Variants in ZFYVE26 observed in about 807,000 individuals in gnomAD.
The protein encoded by ZFYVE26 is zinc finger FYVE domain-containing protein 26.
ZFYVE26 carries 181 observed loss-of-function variants against 276.5 expected under a neutral mutation model. The ratio of observed to expected loss-of-function variants is 0.65; its 90% CI spans 0.58 to 0.74. The LOEUF is 0.74. Ranked by LOEUF, ZFYVE26 falls within the 30% of genes least tolerant of loss-of-function variation. The probability of loss-of-function intolerance (pLI) is 0.00; values close to 1 mark genes in which losing one functional copy is unlikely to be tolerated. For synonymous variants in ZFYVE26, 1,129 were observed against 1,203.1 expected (o/e 0.94, Z 1.27); for missense variants, 2,821 against 3,097.9 (o/e 0.91, Z 2.12).
At chr14:67,803,209 A>G (rs1483507408) in intron 9 of ZFYVE26, among the ~76,000 whole-genome samples, 1 of 152,194 alleles carries the variant, frequency 6.6e-6, no homozygotes, top group Non-Finnish European at 1.5e-5. Context: ...CAAATGAACA[A>G]AAAACCATGG....
intron 13 of ZFYVE26, chr14:67,733,628 T>C (rs2038313827): frequency 5.8e-6 from 4 of 694,200 alleles, no homozygotes; most frequent in Non-Finnish European, 1.0e-5. Flanking sequence ...ATTAGTTTCT[T>C]TGAGTCTGGC....
At chr14:67,799,982 C>A (rs1333225437) in intron 10 of ZFYVE26, among the ~76,000 whole-genome samples, 1 of 152,188 alleles carries the variant, frequency 6.6e-6, no homozygotes, top group Non-Finnish European at 1.5e-5. Context: ...GCTCTCTACC[C>A]AGCTAGAATA....
intron 16 of ZFYVE26, 86 bp downstream of exon 16, chr14:67,789,249 T>A (rs1423780114): frequency 6.3e-7 from 1 of 1,589,124 alleles, no homozygotes; most frequent in Non-Finnish European, 8.6e-7. Flanking sequence ...CTCCAATAAC[T>A]GCTTTCTTCC....
chr14:67,754,064 C>A lies in ZFYVE26; in HGVS notation c.7128+7G>T, dbSNP rs2038714864. On this transcript the variant is annotated splice_region_variant and intron_variant, in intron 38 of 41. Transcript: ENST00000347230. ...AGTCTGCCAGAGGTCTGAAACGCTG[C>A]ATGTACCTTGCAGGCAACATCCATT... 1.2e-6 allele frequency: 2 copies of A among 1,614,240 alleles called. No individual in the cohort carries two copies. The highest frequency in any genetic ancestry group is 1.3e-5 in the African/African-American group (1 of 75,070).
Position 67,807,669 on chromosome 14 carries a change from C to G in ZFYVE26, c.615G>C (p.Gln205His), listed in dbSNP as rs1224965727. Reference protein sequence around the residue: ...DLIRKALRALQGPDSVPPGVV... With the variant: ...DLIRKALRALHGPDSVPPGVV... ...CCCCAGGGGGCACCGAATCAGGGCC[C>G]TGCAAAGCCCGCAATGCCTTTCGAA... Residue 205 changes from glutamine (Q) to histidine (H), a missense_variant, in exon 5 of 42, where the codon CAG (glutamine) becomes CAC (histidine). Transcript: ENST00000347230. 1.2e-6 allele frequency: 2 copies of G among 1,614,070 alleles called. No individual in the cohort carries two copies. The highest frequency in any genetic ancestry group is 1.3e-5 in the African/African-American group (1 of 74,946).
intron 31 of ZFYVE26, among the ~76,000 whole-genome samples, chr14:67,767,248 T>A (rs906190319): frequency 2.0e-5 from 3 of 152,206 alleles, no homozygotes; most frequent in Non-Finnish European, 2.9e-5. Context: ...TAAGGCCCTA[T>A]ATATAAATAA....
chr14:67,735,149 G>GTT, intron 13 of ZFYVE26: 2 of 890,262 alleles, frequency 2.2e-6, no homozygotes, highest in South Asian at 2.6e-5. Context: ...TCGACATGTT[G>GTT]TTGGCATTTT....
intron 28 of ZFYVE26, among the ~76,000 whole-genome samples, chr14:67,770,716 G>A (rs894208715): frequency 6.6e-6 from 1 of 152,120 alleles, no homozygotes; most frequent in Non-Finnish European, 1.5e-5. Flanking sequence ...AACATATACA[G>A]TAGGCAGTCA....
intron 13 of ZFYVE26, among the ~76,000 whole-genome samples, chr14:67,735,979 C>T (rs1012231414): frequency 1.3e-5 from 2 of 152,180 alleles, no homozygotes; most frequent in South Asian, 2.1e-4. Flanking sequence ...TGTTGCCATG[C>T]GTCCCAAGCT....
chr14:67,782,676 G>A, intron 21 of ZFYVE26, 104 bp downstream of exon 21: 1 of 1,546,528 alleles, frequency 6.5e-7, no homozygotes, highest in Non-Finnish European at 8.8e-7. Context: ...AGATTATAGT[G>A]GGGCTTCTCT....
At chr14:67,805,364 T>C (rs2040158417) in intron 7 of ZFYVE26, 59 bp from the exon 8 acceptor site, 1 of 1,613,654 alleles carries the variant, frequency 6.2e-7, no homozygotes, top group Non-Finnish European at 8.5e-7. Context: ...TTACAGATTA[T>C]GACTGATTTT....
chr14:67,765,122 T>G (rs939820828), intron 32 of ZFYVE26, among the ~76,000 whole-genome samples: 1 of 152,252 alleles, frequency 6.6e-6, no homozygotes, highest in African/African-American at 2.4e-5. Flanking sequence ...TATCTGTTTC[T>G]TCATTTATCA....
In ZFYVE26 at chr14:67,753,170, T is replaced by C. The variant is rs1365628522; in HGVS notation, c.7188+537A>G. On this transcript the variant is annotated intron_variant, in intron 39 of 41. Transcript: ENST00000347230. The stretch of plus-strand genomic sequence containing the variant: ...CCTGCCTGCCCTAAGCTGCCTGCTC[T>C]CAGCTCCTGGGGTATCTGCATGGAG... 2.0e-5 allele frequency among the ~76,000 whole-genome samples: 3 copies of C among 152,232 alleles called. No individual in the cohort carries two copies. The East Asian group carries it at 5.8e-4, about 29-fold the overall frequency.
At position 67,802,084 on chromosome 14, in the gene ZFYVE26, G is replaced by A; in HGVS notation, c.1634C>T (p.Ser545Phe). Residue 545 changes from serine to phenylalanine, a missense_variant, in exon 10 of 42, where the codon TCC becomes TTC. Transcript: ENST00000347230. ...ATEPANDSLS[S>F]PGAANLFSTY... Reference sequence around the variant, plus strand: ...GATGGAGGGAAGTGCTGTACCTGGGGAGGAGAGAGAGTCATTCGCTGGCTC... The same window carrying A: ...GATGGAGGGAAGTGCTGTACCTGGGAAGGAGAGAGAGTCATTCGCTGGCTC... The A allele has an allele frequency of 1.2e-6, 2 of 1,612,848 alleles. No homozygotes were observed. The highest frequency in any genetic ancestry group is 2.2e-5 in the South Asian group (2 of 91,002).
At position 67,806,586 on chromosome 14, in the gene ZFYVE26, A is replaced by G; in HGVS notation, c.976T>C (p.Tyr326His). 1 of 1,614,256 alleles carries G rather than the reference A, an allele frequency of 6.2e-7. No homozygotes were observed. Among genetic ancestry groups the G allele is most frequent in the Non-Finnish European group, 8.5e-7 (1 of 1,180,032 alleles). The change falls in exon 6 of 42, where the codon TAC becomes CAC. Residue 326 changes from tyrosine to histidine, a missense_variant. Coordinates refer to ENST00000347230, the MANE Select transcript of ZFYVE26 (RefSeq NM_015346.4). ...PAEAWKVAYF[Y>H]CLSNNKHFLE... ...AAGTGTTTGTTGTTGCTCAGGCAGTAGAAATAGGCCACTTTCCAAGCCTCG... is the reference window on the plus strand; with the variant it reads ...AAGTGTTTGTTGTTGCTCAGGCAGTGGAAATAGGCCACTTTCCAAGCCTCG...
At chr14:67,777,164 T>A (rs1054068889) in intron 25 of ZFYVE26, among the ~76,000 whole-genome samples, 1 of 152,222 alleles carries the variant, frequency 6.6e-6, no homozygotes, top group Non-Finnish European at 1.5e-5. Flanking sequence ...CAGTTTTACT[T>A]GATCTGGGGT....
rs1488472618 is a variant in ZFYVE26, at chr14:67,755,258, A to T, written c.6787-8T>A. The T allele has an allele frequency of 6.2e-7, 1 of 1,614,118 alleles. No homozygotes were observed. ...GGCGGCCCGAACTTGGTCCTAGAAGAGGAAAATAAATGTTCAGGTCAAAGT... is the reference window on the plus strand; with the variant it reads ...GGCGGCCCGAACTTGGTCCTAGAAGTGGAAAATAAATGTTCAGGTCAAAGT... On this transcript the variant is annotated splice_polypyrimidine_tract_variant and splice_region_variant and intron_variant, in intron 36 of 41. Transcript: ENST00000347230.
chr14:67,791,711 A>G (rs905516084), intron 14 of ZFYVE26, among the ~76,000 whole-genome samples: 49 of 151,152 alleles, frequency 3.2e-4, no homozygotes, highest in African/African-American at 1.1e-3. Flanking sequence ...GAGGACATTT[A>G]GGGGTAAAAT....
Position 67,774,494 on chromosome 14 carries a change from G to A in ZFYVE26, c.5320+522C>T, listed in dbSNP as rs1439439542. Among the ~76,000 whole-genome samples the A allele has an allele frequency of 1.4e-4, 13 of 94,004 alleles. No homozygotes were observed. In the Admixed American group the frequency reaches 1.5e-3, roughly 11 times the overall value. The allele number at this position is 94,004 out of a possible 152,430, so 61.7% of individuals were successfully genotyped here. On this transcript the variant is annotated intron_variant, in intron 27 of 41. Coordinates refer to ENST00000347230, the MANE Select transcript of ZFYVE26 (RefSeq NM_015346.4). ...ACCCTGAGCAACAGAGCAAGACTCCGTCTCAAAAAAAAAACAGTGACCAGA... is the reference window on the plus strand; with the variant it reads ...ACCCTGAGCAACAGAGCAAGACTCCATCTCAAAAAAAAAACAGTGACCAGA...
Sources: gnomAD v4.1 joint callset for allele counts (sites outside exome capture counted in the v4.1 genomes callset) on GRCh38, gnomAD v4.1.1 for gene constraint, MANE v1.5 for transcripts, NCBI Gene and HGNC (gene_info 2026-07-23, HGNC 2026-07-21) for gene names.